Variants in GTPBP4 observed in about 807,000 individuals in gnomAD.
GTPBP4 encodes GTP binding protein 4.
GTPBP4 carries 15 observed loss-of-function variants against 81.7 expected under a neutral mutation model. The ratio of observed to expected loss-of-function variants is 0.18; its 90% confidence interval spans 0.12 to 0.28. The LOEUF (loss-of-function observed/expected upper bound fraction) is 0.28, where lower values mean the gene tolerates loss of function less well. Ranked by LOEUF, GTPBP4 falls within the 10% of genes least tolerant of loss-of-function variation. The pLI, the probability that GTPBP4 is intolerant of heterozygous loss-of-function variation, is 1.00. For synonymous variants in GTPBP4, 272 were observed against 274.6 expected (o/e 0.99, Z 0.09); for missense variants, 847 against 793.8 (o/e 1.07, Z -0.81).
Position 1,017,369 on chromosome 10 carries a change from T to A in GTPBP4, c.*142T>A. On this transcript the variant is annotated 3_prime_UTR_variant, in exon 17 of 17. Transcript: ENST00000360803. Reference sequence around the variant, plus strand: ...GCACTTGTTGCTTTGCTGAAAACTATGGTTAACCCTATATAGGTGTGGGAA... The same window carrying A: ...GCACTTGTTGCTTTGCTGAAAACTAAGGTTAACCCTATATAGGTGTGGGAA... 1 of 781,628 alleles carries A rather than the reference T, an allele frequency of 1.3e-6. No homozygotes were observed. The highest frequency in any genetic ancestry group is 2.1e-6 in the Non-Finnish European group (1 of 482,392). The allele number at this position is 781,628 out of a possible 1,614,324, so 48.4% of individuals were successfully genotyped here. A position where few individuals can be genotyped will look rare whatever the true frequency, so the allele number is the denominator to read the frequency against.
chr10:1,000,584 T>C (rs1831609950), intron 6 of GTPBP4, 93 bp from the exon 7 acceptor site: 1 of 558,046 alleles, frequency 1.8e-6, no homozygotes, highest in Non-Finnish European at 2.9e-6. Flanking sequence ...GATTATTAGG[T>C]CTGGTTGGGT....
At chr10:989,091 T>A (rs1171720961) in intron 1 of GTPBP4, 1 of 151,300 alleles carries the variant, frequency 6.6e-6, no homozygotes, top group African/African-American at 2.4e-5. Context: ...CAAGAATGAG[T>A]CAACAAGTGT....
chr10:989,066 C>T (rs1302237988), intron 1 of GTPBP4: 1 of 150,364 alleles, frequency 6.7e-6, no homozygotes, highest in Non-Finnish European at 1.5e-5. Context: ...ATTTTTACAG[C>T]GTTGGTTGGT....
In GTPBP4 at chr10:1,015,880, G is replaced by A; in HGVS notation, c.1736G>A (p.Gly579Asp). 6.2e-7 allele frequency: 1 copy of A among 1,612,910 alleles called. No homozygotes were observed. Among genetic ancestry groups the A allele is most frequent in the Non-Finnish European group, 8.5e-7 (1 of 1,179,204 alleles). ...TCTCGAACTCCACGTGACGTTTCTGGTCTTAGGGATGTCAAGGTCAGTCTC... is the reference window on the plus strand; with the variant it reads ...TCTCGAACTCCACGTGACGTTTCTGATCTTAGGGATGTCAAGGTCAGTCTC... ...SCSRTPRDVSGLRDVKMVKKA... is the reference protein window; with the variant it reads ...SCSRTPRDVSDLRDVKMVKKA... Residue 579 changes from glycine (G) to aspartate (D), a missense_variant, in exon 16 of 17, where the codon GGT becomes GAT. By Grantham distance (94) the Gly-to-Asp change is moderately conservative. Coordinates refer to ENST00000360803, the MANE Select transcript of GTPBP4 (RefSeq NM_012341.3).
intron 12 of GTPBP4, 23 bp downstream of exon 12, chr10:1,009,603 T>C: frequency 2.9e-6 from 4 of 1,356,322 alleles, no homozygotes; most frequent in Non-Finnish European, 4.2e-6. Flanking sequence ...GTGTGATCAT[T>C]ATTATAAAAT....
intron 16 of GTPBP4, among the ~76,000 whole-genome samples, chr10:1,016,303 C>A (rs1189547521): frequency 6.6e-6 from 1 of 152,212 alleles, no homozygotes; most frequent in East Asian, 1.9e-4. Context: ...CCTGCTCATC[C>A]TTAGGTTGCA....
At position 1,000,283 on chromosome 10, in the gene GTPBP4, G is replaced by GCTGGA. The variant is rs531072543; in HGVS notation, c.655-393_655-389dup. On this transcript the variant is annotated intron_variant, in intron 6 of 16. Coordinates refer to ENST00000360803, the MANE Select transcript of GTPBP4 (RefSeq NM_012341.3). Reference sequence around the variant, plus strand: ...TTGAGATGGAGTCTCTGTCACCCAGGCTGGAGTGCAGTGTCGCTATCTTGG... The same window carrying GCTGGA: ...TTGAGATGGAGTCTCTGTCACCCAGGCTGGACTGGAGTGCAGTGTCGCTATCTTGG... Among the ~76,000 whole-genome samples, 29 of 132,884 alleles carry GCTGGA rather than the reference G, an allele frequency of 2.2e-4. No individual in the cohort carries two copies. The East Asian group carries it at 3.2e-3, about 15-fold the overall frequency. The allele number at this position is 132,884 out of a possible 152,430, so 87.2% of individuals were successfully genotyped here. A position where few individuals can be genotyped will look rare whatever the true frequency, so the allele number is the denominator to read the frequency against.
At chr10:1,005,295 G>A (rs1262868456) in intron 8 of GTPBP4, among the ~76,000 whole-genome samples, 1 of 152,084 alleles carries the variant, frequency 6.6e-6, no homozygotes, top group Non-Finnish European at 1.5e-5. Context: ...ACAGGCGGCC[G>A]CCACCACGCC....
intron 8 of GTPBP4, 86 bp downstream of exon 8, chr10:1,001,099 T>C: frequency 1.2e-6 from 1 of 820,958 alleles, no homozygotes; most frequent in Non-Finnish European, 2.1e-6. Context: ...TGAAGGAATT[T>C]TAGCAATACT....
chr10:1,003,190 G>A (rs1206975318), intron 8 of GTPBP4, among the ~76,000 whole-genome samples: 2 of 152,014 alleles, frequency 1.3e-5, no homozygotes, highest in African/African-American at 4.8e-5. Context: ...TGTTAAAACT[G>A]TCTATTGTAT....
intron 2 of GTPBP4, among the ~76,000 whole-genome samples, chr10:994,135 G>A (rs1376740713): frequency 6.6e-6 from 1 of 152,222 alleles, no homozygotes; most frequent in South Asian, 2.1e-4. Context: ...CTTAGGTTGT[G>A]TCTAGCTAGG....
chr10:993,478 C>G (rs1454257134), intron 2 of GTPBP4, among the ~76,000 whole-genome samples: 1 of 152,136 alleles, frequency 6.6e-6, no homozygotes, highest in Non-Finnish European at 1.5e-5. Flanking sequence ...AACTCCTGAC[C>G]TCAAATGATC....
chr10:1,019,646 C>G lies in GTPBP4; in HGVS notation c.*2419C>G, dbSNP rs574093260. On this transcript the variant is annotated 3_prime_UTR_variant, in exon 17 of 17. Coordinates refer to ENST00000360803, the MANE Select transcript of GTPBP4 (RefSeq NM_012341.3). ...TGACTTTGACTTCACCCCTCGCCTC[C>G]CTCTCCAGCAGCTCCCACAGCTCCT... 1.1e-5 allele frequency: 18 copies of G among 1,613,940 alleles called. No individual in the cohort carries two copies. Among genetic ancestry groups the G allele is most frequent in the Non-Finnish European group, 1.4e-5 (17 of 1,180,026 alleles).
intron 13 of GTPBP4, among the ~76,000 whole-genome samples, chr10:1,010,841 C>CCGA (rs1554817017): frequency 2.2e-5 from 1 of 45,102 alleles, no homozygotes; most frequent in South Asian, 1.0e-3. Context: ...TTCCCTGTCC[C>CCGA]GACACTGGTG....
intron 1 of GTPBP4, among the ~76,000 whole-genome samples, chr10:990,981 G>A (rs1209418181): frequency 4.6e-5 from 7 of 151,878 alleles, no homozygotes; most frequent in Non-Finnish European, 1.5e-5. Flanking sequence ...GGGAGACCGT[G>A]TGTGCCCCTC....
chr10:1,010,818 C>T (rs1234203070), intron 13 of GTPBP4, among the ~76,000 whole-genome samples: 1 of 127,640 alleles, frequency 7.8e-6, no homozygotes, highest in East Asian at 2.4e-4. Flanking sequence ...CCTGACTCTG[C>T]CTCCTGCACC....
Position 1,019,049 on chromosome 10 carries a change from T to C in GTPBP4, c.*1822T>C, listed in dbSNP as rs889003169. 1 of 157,706 alleles carries C rather than the reference T, an allele frequency of 6.3e-6. No individual in the cohort carries two copies. Among genetic ancestry groups the C allele is most frequent in the African/African-American group, 2.4e-5 (1 of 41,460 alleles). 9.8% of individuals were successfully genotyped at this position (157,706 alleles called of 1,614,324 possible). ...GTATTAGGATGCAAGATTGAATGTG[T>C]CTTTTTTTTAAAAATGCAGCCTTGT... On this transcript the variant is annotated 3_prime_UTR_variant, in exon 17 of 17. Transcript: ENST00000360803.
At position 1,015,863 on chromosome 10, in the gene GTPBP4, T is replaced by G. The variant is rs1234903735; in HGVS notation, c.1719T>G (p.Thr573=). ...CCCGGAGTGGGAGTTGCTCTCGAAC[T>G]CCACGTGACGTTTCTGGTCTTAGGG... is the stretch of plus-strand genomic sequence containing the variant. ...SVARSGSCSR[T]PRDVSGLRDV... Residue 573 remains threonine (T), a synonymous_variant, in exon 16 of 17, where the codon ACT becomes ACG. Transcript: ENST00000360803. 1 of 1,613,854 alleles carries G rather than the reference T, an allele frequency of 6.2e-7. No homozygotes were observed. Among genetic ancestry groups the G allele is most frequent in the East Asian group, 2.2e-5 (1 of 44,882 alleles).
chr10:1,009,291 A>G (rs538468471), intron 11 of GTPBP4, among the ~76,000 whole-genome samples: 2 of 152,344 alleles, frequency 1.3e-5, no homozygotes, highest in South Asian at 2.1e-4. Context: ...TCTTCCTACC[A>G]GAACCTAAAG....
Sources: allele counts gnomAD v4.1 joint callset (sites outside exome capture counted in the v4.1 genomes callset), GRCh38; gene constraint gnomAD v4.1.1; transcripts MANE v1.5; gene names NCBI Gene and HGNC (gene_info 2026-07-23, HGNC 2026-07-21).